ZNF569: variants seen among roughly 807,000 people sequenced by gnomAD.
ZNF569 encodes DNA-binding protein.
ZNF569 carries 38 observed loss-of-function variants against 56.3 expected under a neutral mutation model. The ratio of observed to expected loss-of-function variants is 0.68; its 90% CI spans 0.52 to 0.88. The LOEUF is 0.88. ZNF569 is among the 40% of genes least tolerant of loss of function. ZNF569 has a pLI of 0.00. For missense variants in ZNF569, 666 were observed against 809.2 expected, an observed-to-expected ratio of 0.82 and a Z score of 2.15; for synonymous variants, 241 against 262.9, an observed-to-expected ratio of 0.92 and a Z score of 0.81.
At position 37,412,300 on chromosome 19, in the gene ZNF569, G is replaced by A. The variant is rs886412621; in HGVS notation, c.*297C>T. ...ACTTGTTTTCCTTACTTAATACATTGGCTAGGAGCTCAAGTGTTGTGTTGT... is the reference window on the plus strand; with the variant it reads ...ACTTGTTTTCCTTACTTAATACATTAGCTAGGAGCTCAAGTGTTGTGTTGT... On this transcript the variant is annotated 3_prime_UTR_variant, in exon 6 of 6. Transcript: ENST00000316950. 3 of 285,390 alleles carry A rather than the reference G, an allele frequency of 1.1e-5. No individual in the cohort carries two copies. The highest frequency in any genetic ancestry group is 2.2e-5 in the African/African-American group (1 of 45,748). 17.7% of individuals were successfully genotyped at this position (285,390 alleles called of 1,614,324 possible).
intron 4 of ZNF569, 137 bp downstream of exon 4, chr19:37,426,115 G>T: frequency 3.9e-6 from 5 of 1,275,582 alleles, no homozygotes; most frequent in Non-Finnish European, 5.5e-6. Context: ...CTGCAGCATG[G>T]ACATTCACAT....
At chr19:37,437,512 C>G (rs918972401) in intron 3 of ZNF569, among the ~76,000 whole-genome samples, 1 of 152,044 alleles carries the variant, frequency 6.6e-6, no homozygotes. Context: ...AAGTAAAGGG[C>G]ATCCAAATTA....
intron 2 of ZNF569, among the ~76,000 whole-genome samples, chr19:37,455,830 C>A (rs1390490521): frequency 6.6e-6 from 1 of 152,080 alleles, no homozygotes; most frequent in East Asian, 1.9e-4. Context: ...AGGGCTGGAC[C>A]CACTTATATA....
Position 37,418,073 on chromosome 19 carries a change from C to A in ZNF569, c.239-3654G>T, listed in dbSNP as rs988700449. On this transcript the variant is annotated intron_variant, in intron 5 of 5. Transcript: ENST00000316950. ...CCAAGATCGCGCCACTGTACTCCAG[C>A]CTGGGTAACAGAGTGAGACTCCATC... Among the ~76,000 whole-genome samples, 4 of 150,556 alleles carry A rather than the reference C, an allele frequency of 2.7e-5. No individual in the cohort carries two copies. In the South Asian group the frequency reaches 8.4e-4, roughly 32 times the overall value.
At chr19:37,468,234 G>A (rs369157137), upstream of ZNF569, among the ~76,000 whole-genome samples, 13 of 151,914 alleles carry the variant, frequency 8.6e-5, no homozygotes, top group African/African-American at 3.1e-4. Context: ...CACAATCAAG[G>A]GACACTCCGC....
At chr19:37,452,203 AT>A (rs149159562) in intron 2 of ZNF569, among the ~76,000 whole-genome samples, 2,599 of 152,264 alleles carry the variant, frequency 0.017, 71 homozygotes, top group African/African-American at 0.059. Flanking sequence ...TTCATTTTAA[AT>A]TCTCCTGCCC....
At chr19:37,449,998 TTC>T (rs763465570) in intron 2 of ZNF569, among the ~76,000 whole-genome samples, 9 of 152,350 alleles carry the variant, frequency 5.9e-5, no homozygotes, top group Middle Eastern at 3.4e-3. Context: ...CTTTTTATTA[TTC>T]TGTTTTATCT....
intron 5 of ZNF569, chr19:37,425,573 G>T: frequency 5.6e-6 from 1 of 179,258 alleles, no homozygotes; most frequent in Non-Finnish European, 1.2e-5. Flanking sequence ...CGCCCACCTC[G>T]GCCTCCTAAA....
chr19:37,437,993 A>G (rs932813579), intron 3 of ZNF569, among the ~76,000 whole-genome samples: 1 of 152,234 alleles, frequency 6.6e-6, no homozygotes, highest in Non-Finnish European at 1.5e-5. Context: ...ATGCAACCAC[A>G]AAAGACCCAG....
At chr19:37,448,893 TTTGC>T (rs1323995210) in intron 2 of ZNF569, among the ~76,000 whole-genome samples, 2 of 152,156 alleles carry the variant, frequency 1.3e-5, no homozygotes, top group Non-Finnish European at 2.9e-5. Flanking sequence ...TTGAGTTTAG[TTTGC>T]TTGTTTCCCC....
chr19:37,435,477 A>G, intron 3 of ZNF569, among the ~76,000 whole-genome samples: 1 of 152,240 alleles, frequency 6.6e-6, no homozygotes, highest in Non-Finnish European at 1.5e-5. Flanking sequence ...ACTTATCAAT[A>G]ATAACATTGA....
intron 2 of ZNF569, among the ~76,000 whole-genome samples, chr19:37,458,905 T>C (rs945235226): frequency 7.2e-5 from 11 of 152,016 alleles, no homozygotes; most frequent in African/African-American, 2.7e-4. Flanking sequence ...AATGGACTCA[T>C]CAACAAACTC....
intron 3 of ZNF569, among the ~76,000 whole-genome samples, chr19:37,437,453 T>C (rs1365878286): frequency 9.2e-5 from 14 of 152,164 alleles, no homozygotes; most frequent in Admixed American, 9.2e-4. Flanking sequence ...ACCACTGTTA[T>C]TCAACATAGT....
intron 2 of ZNF569, among the ~76,000 whole-genome samples, chr19:37,461,524 C>T (rs1455577478): frequency 6.6e-6 from 1 of 151,980 alleles, no homozygotes; most frequent in Non-Finnish European, 1.5e-5. Context: ...TCAGGATGGT[C>T]TTGATCTCTT....
intron 5 of ZNF569, among the ~76,000 whole-genome samples, chr19:37,415,897 G>GA (rs113949890): frequency 1.8e-4 from 24 of 136,744 alleles, no homozygotes; most frequent in East Asian, 6.4e-4. Flanking sequence ...AAAAGAAAAA[G>GA]AAAAAAAAAA....
chr19:37,428,388 G>T (rs965831823), intron 3 of ZNF569, among the ~76,000 whole-genome samples: 1 of 151,936 alleles, frequency 6.6e-6, no homozygotes, highest in East Asian at 1.9e-4. Flanking sequence ...CGTGTATGGT[G>T]GTGCGTGGCT....
chr19:37,440,064 C>T (rs761660552), intron 3 of ZNF569, among the ~76,000 whole-genome samples: 2 of 152,060 alleles, frequency 1.3e-5, no homozygotes, highest in Non-Finnish European at 2.9e-5. Flanking sequence ...TTGTTTGTAA[C>T]ACAAAGGATA....
At chr19:37,455,142 G>T in intron 2 of ZNF569, 1 of 365,514 alleles carries the variant, frequency 2.7e-6, no homozygotes, top group Non-Finnish European at 4.9e-6. Flanking sequence ...ATTTTGTCAT[G>T]GGGCTCAAAA....
intron 5 of ZNF569, among the ~76,000 whole-genome samples, chr19:37,417,040 T>C (rs1012512335): frequency 6.6e-6 from 1 of 152,112 alleles, no homozygotes; most frequent in African/African-American, 2.4e-5. Flanking sequence ...CTCGTGTTCT[T>C]AGAAGAAGAA....
Sources: gnomAD v4.1 joint callset for allele counts (sites outside exome capture counted in the v4.1 genomes callset) on GRCh38, gnomAD v4.1.1 for gene constraint, MANE v1.5 for transcripts, NCBI Gene and HGNC (gene_info 2026-07-23, HGNC 2026-07-21) for gene names.